The following STAM variants were observed in gnomAD, a reference collection of about 807,000 sequenced individuals.
STAM encodes the protein signal transducing adapter molecule 1.
A neutral mutation model predicts 63.4 loss-of-function variants in STAM; 16 were observed. The observed-to-expected ratio is 0.25, with a 90% CI of 0.17 to 0.38. The LOEUF (loss-of-function observed/expected upper bound fraction) is 0.38. Among genes scored for constraint, STAM ranks in the 10% least tolerant of loss-of-function variants. The pLI, the probability that STAM is intolerant of heterozygous loss-of-function variation, is 1.00. For missense variants in STAM, 636 were observed against 657.1 expected (o/e 0.97, Z 0.35); for synonymous variants, 238 against 223.9 (o/e 1.06, Z -0.56).
chr10:17,682,847 C>T (rs1554825544), intron 2 of STAM, among the ~76,000 whole-genome samples: 1 of 152,080 alleles, frequency 6.6e-6, no homozygotes, highest in Non-Finnish European at 1.5e-5. Flanking sequence ...GTTGAAGTTT[C>T]CAGTAGATTT....
At chr10:17,704,135 CAGACTGA>C (rs1836145687) in intron 9 of STAM, among the ~76,000 whole-genome samples, 1 of 152,112 alleles carries the variant, frequency 6.6e-6, no homozygotes, top group African/African-American at 2.4e-5. Context: ...CACTGTTGTC[CAGACTGA>C]AGTGCAGTGG....
chr10:17,654,643 A>C (rs1833869866), intron 1 of STAM, among the ~76,000 whole-genome samples: 1 of 152,230 alleles, frequency 6.6e-6, no homozygotes, highest in Non-Finnish European at 1.5e-5. Flanking sequence ...TATTGAAATA[A>C]TTCCCCAAAG....
At chr10:17,673,221 G>A (rs1310534701) in intron 2 of STAM, 1 of 165,218 alleles carries the variant, frequency 6.1e-6, no homozygotes, top group Non-Finnish European at 1.2e-5. Context: ...CTTATTGTGC[G>A]TTTTCCCCCT....
intron 2 of STAM, among the ~76,000 whole-genome samples, chr10:17,681,686 T>C (rs1554825396): frequency 6.6e-6 from 1 of 152,224 alleles, no homozygotes; most frequent in Non-Finnish European, 1.5e-5. Context: ...TTATGTTATC[T>C]GAATTTATTG....
intron 13 of STAM, among the ~76,000 whole-genome samples, chr10:17,713,639 A>G (rs911834851): frequency 5.3e-5 from 8 of 152,096 alleles, no homozygotes; most frequent in African/African-American, 4.8e-5. Context: ...GTTCATTATC[A>G]TATTTTGAAG....
At chr10:17,662,164 A>G (rs1248860644) in intron 2 of STAM, among the ~76,000 whole-genome samples, 1 of 152,052 alleles carries the variant, frequency 6.6e-6, no homozygotes, top group Admixed American at 6.6e-5. Context: ...CCTACCTTCC[A>G]TACTGAGTTC....
intron 2 of STAM, among the ~76,000 whole-genome samples, chr10:17,669,916 G>A (rs147191676): frequency 8.5e-6 from 1 of 117,490 alleles, no homozygotes; most frequent in East Asian, 2.6e-4. Context: ...ATTTTTAGTA[G>A]ACACGTGGTT....
intron 1 of STAM, among the ~76,000 whole-genome samples, chr10:17,657,953 T>C (rs1554822373): frequency 6.6e-6 from 1 of 152,120 alleles, no homozygotes; most frequent in African/African-American, 2.4e-5. Flanking sequence ...ATTGGTCTTA[T>C]GTTCAGATTC....
intron 4 of STAM, among the ~76,000 whole-genome samples, 186 bp downstream of exon 4, chr10:17,685,113 A>G (rs1001009823): frequency 5.9e-5 from 9 of 152,202 alleles, no homozygotes; most frequent in African/African-American, 2.2e-4. Context: ...ACTTTGAGTT[A>G]GTTTTTTCAA....
At chr10:17,692,631 A>G (rs1305610032) in intron 5 of STAM, among the ~76,000 whole-genome samples, 1 of 152,196 alleles carries the variant, frequency 6.6e-6, no homozygotes. Flanking sequence ...ATTGAATTAT[A>G]TGTTTGTTGT....
At chr10:17,675,834 C>T (rs189418428) in intron 2 of STAM, among the ~76,000 whole-genome samples, 18 of 151,996 alleles carry the variant, frequency 1.2e-4, no homozygotes, top group South Asian at 4.1e-4. Flanking sequence ...ATTTTTATGG[C>T]GGTGATTCAC....
intron 13 of STAM, among the ~76,000 whole-genome samples, chr10:17,713,280 G>T (rs1836641518): frequency 6.6e-6 from 1 of 152,090 alleles, no homozygotes; most frequent in Non-Finnish European, 1.5e-5. Flanking sequence ...CGCTCCCCAG[G>T]GGACCTCATG....
chr10:17,657,249 G>A (rs1349053827), intron 1 of STAM, among the ~76,000 whole-genome samples: 4 of 151,996 alleles, frequency 2.6e-5, no homozygotes, highest in Non-Finnish European at 4.4e-5. Flanking sequence ...CTCTCTCCTT[G>A]GTGCAAGCTG....
At chr10:17,646,211 C>T (rs1478758908) in intron 1 of STAM, among the ~76,000 whole-genome samples, 1 of 152,150 alleles carries the variant, frequency 6.6e-6, no homozygotes, top group Non-Finnish European at 1.5e-5. Flanking sequence ...ACGTTATTGA[C>T]GGTTTGGGCC....
At chr10:17,714,406 A>G in intron 13 of STAM, 137 bp from the exon 14 acceptor site, 3 of 796,566 alleles carry the variant, frequency 3.8e-6, no homozygotes, top group Non-Finnish European at 4.1e-6. Context: ...AATGTTTGGC[A>G]CATTATAGCT....
At chr10:17,665,245 A>G (rs1443394243) in intron 2 of STAM, among the ~76,000 whole-genome samples, 2 of 152,166 alleles carry the variant, frequency 1.3e-5, no homozygotes, top group Non-Finnish European at 2.9e-5. Context: ...TCACATATAC[A>G]TATGCATATG....
At chr10:17,685,661 T>G (rs1321146232) in intron 4 of STAM, among the ~76,000 whole-genome samples, 1 of 152,184 alleles carries the variant, frequency 6.6e-6, no homozygotes, top group African/African-American at 2.4e-5. Flanking sequence ...ACTTTATCAG[T>G]GCCTGAGAAT....
At position 17,715,388 on chromosome 10, in the gene STAM, GAT is replaced by G. The variant is rs72446968; in HGVS notation, c.*621_*622del. 4.3e-4 allele frequency: 67 copies of G among 156,014 alleles called. 1 individual carries two copies. Among genetic ancestry groups the G allele is most frequent in the Admixed American group, 6.1e-4 (10 of 16,450 alleles). The allele number at this position is 156,014 out of a possible 1,614,324, so 9.7% of individuals were successfully genotyped here. A position where few individuals can be genotyped will look rare whatever the true frequency, so the allele number is the denominator to read the frequency against. ...CCTTTTACTAATTGTGAGCTAAAGA[GAT>G]ATATATATATATGTGTGTGTATATA... On this transcript the variant is annotated 3_prime_UTR_variant, in exon 14 of 14. Transcript: ENST00000377524.
At chr10:17,668,562 A>C (rs782034842) in intron 2 of STAM, among the ~76,000 whole-genome samples, 3 of 152,232 alleles carry the variant, frequency 2.0e-5, no homozygotes, top group Non-Finnish European at 2.9e-5. Context: ...CTGTCATTAC[A>C]GTACCATGCT....
Sources: allele counts gnomAD v4.1 joint callset (sites outside exome capture counted in the v4.1 genomes callset), GRCh38; gene constraint gnomAD v4.1.1; transcripts MANE v1.5; gene names NCBI Gene and HGNC (gene_info 2026-07-23, HGNC 2026-07-21).